The following ZBTB20 variants were observed in gnomAD, a reference collection of about 807,000 sequenced individuals.
ZBTB20 encodes zinc finger and BTB domain-containing protein 20.
Under a neutral mutation model 56.9 loss-of-function variants are expected in ZBTB20, and 9 were observed. The ratio of observed to expected loss-of-function variants is 0.16; its 90% CI spans 0.10 to 0.28. The LOEUF (loss-of-function observed/expected upper bound fraction) is 0.28, where lower values mean the gene tolerates loss of function less well. ZBTB20 is among the 10% of genes least tolerant of loss of function. ZBTB20 has a pLI of 1.00. For missense variants in ZBTB20, 655 were observed against 1,003.0 expected (o/e 0.65, Z 4.69); for synonymous variants, 417 against 420.7 (o/e 0.99, Z 0.11).
At chr3:114,440,342 G>T (rs2090828293) in intron 7 of ZBTB20, among the ~76,000 whole-genome samples, 1 of 151,988 alleles carries the variant, frequency 6.6e-6, no homozygotes, top group Admixed American at 6.6e-5. Context: ...GAAGGGTGGA[G>T]CTGGGGGAAA....
At chr3:114,794,170 G>A (rs2071180556) in intron 5 of ZBTB20, among the ~76,000 whole-genome samples, 2 of 152,004 alleles carry the variant, frequency 1.3e-5, no homozygotes, top group Admixed American at 6.6e-5. Context: ...ATTATAAAAT[G>A]GGAATGGTTC....
intron 6 of ZBTB20, among the ~76,000 whole-genome samples, chr3:114,638,401 C>T (rs1348524278): frequency 6.6e-6 from 1 of 152,134 alleles, no homozygotes; most frequent in African/African-American, 2.4e-5. Flanking sequence ...TACCTCTCAA[C>T]TTCTGGACTT....
At chr3:114,831,193 T>C (rs2073825706) in intron 4 of ZBTB20, among the ~76,000 whole-genome samples, 2 of 150,620 alleles carry the variant, frequency 1.3e-5, no homozygotes, top group East Asian at 3.9e-4. Context: ...TTCTTGAAAC[T>C]GGTTCTTCTG....
intron 5 of ZBTB20, among the ~76,000 whole-genome samples, chr3:114,707,536 T>A (rs2063784638): frequency 6.6e-6 from 1 of 152,168 alleles, no homozygotes; most frequent in African/African-American, 2.4e-5. Context: ...AAAATAGTCT[T>A]CATATACATG....
chr3:114,989,162 A>T (rs2078688526), intron 2 of ZBTB20, among the ~76,000 whole-genome samples: 2 of 152,192 alleles, frequency 1.3e-5, no homozygotes, highest in Non-Finnish European at 2.9e-5. Context: ...TGTTTTAGAC[A>T]TGAAGTCCTT....
At chr3:114,568,279 C>T (rs76017183) in intron 6 of ZBTB20, among the ~76,000 whole-genome samples, 2,808 of 152,214 alleles carry the variant, frequency 0.018, 47 homozygotes, top group Non-Finnish European at 0.026. Flanking sequence ...TCTCCCCCCA[C>T]GAAAAACCTG....
At chr3:114,822,882 G>A (rs905605239) in intron 4 of ZBTB20, among the ~76,000 whole-genome samples, 4 of 152,002 alleles carry the variant, frequency 2.6e-5, no homozygotes, top group Non-Finnish European at 5.9e-5. Context: ...CAAATTATAT[G>A]ACTAGGTACA....
intron 7 of ZBTB20, among the ~76,000 whole-genome samples, chr3:114,389,988 C>A (rs2085668718): frequency 6.6e-6 from 1 of 150,868 alleles, no homozygotes; most frequent in Non-Finnish European, 1.5e-5. Flanking sequence ...ATATATACTA[C>A]ATTCTTATTA....
chr3:114,553,063 G>A (rs2050772630), intron 6 of ZBTB20, among the ~76,000 whole-genome samples: 1 of 152,150 alleles, frequency 6.6e-6, no homozygotes. Context: ...GTTATATGAT[G>A]TTTTGCCAAG....
At chr3:115,103,232 CT>C (rs2083632335) in intron 1 of ZBTB20, among the ~76,000 whole-genome samples, 1 of 152,108 alleles carries the variant, frequency 6.6e-6, no homozygotes, top group African/African-American at 2.4e-5. Context: ...CAATTTGGTT[CT>C]GTAGAAAGAT....
chr3:114,730,563 G>A (rs996721682), intron 5 of ZBTB20, among the ~76,000 whole-genome samples: 1 of 152,176 alleles, frequency 6.6e-6, no homozygotes, highest in Non-Finnish European at 1.5e-5. Context: ...ACTAGGACTG[G>A]CGTCCTTATA....
Position 114,334,938 on chromosome 3 carries a change from T to G in ZBTB20, c.*4067A>C, listed in dbSNP as rs911889457. ...TCCCCCTGTGTAGAATTGTAACAGA[T>G]CCATGTGTTCCAATTATTTTCTTTT... On this transcript the variant is annotated 3_prime_UTR_variant, in exon 12 of 12. Transcript: ENST00000675478. 2.0e-5 allele frequency: 3 copies of G among 152,202 alleles called. No individual in the cohort carries two copies. Among genetic ancestry groups the G allele is most frequent in the African/African-American group, 7.2e-5 (3 of 41,444 alleles). The allele number at this position is 152,202 out of a possible 1,614,324, so 9.4% of individuals were successfully genotyped here.
At position 114,326,570 on chromosome 3, in the gene ZBTB20, TGG is replaced by T. The variant is rs1369965593; in HGVS notation, c.*12433_*12434del. 4 of 152,124 alleles carry T rather than the reference TGG, an allele frequency of 2.6e-5. No homozygotes were observed. Among genetic ancestry groups the T allele is most frequent in the African/African-American group, 9.7e-5 (4 of 41,422 alleles). 9.4% of individuals were successfully genotyped at this position (152,124 alleles called of 1,614,324 possible). A position where few individuals can be genotyped will look rare whatever the true frequency, so the allele number is the denominator to read the frequency against. On this transcript the variant is annotated 3_prime_UTR_variant, in exon 12 of 12. Transcript: ENST00000675478. ...GGGTGAGCAGTTATTTGACTGTCCATGGACAGTAACAAATTAAGAAATAAAAA... is the reference window on the plus strand; with the variant it reads ...GGGTGAGCAGTTATTTGACTGTCCATACAGTAACAAATTAAGAAATAAAAA...
intron 5 of ZBTB20, among the ~76,000 whole-genome samples, chr3:114,790,238 A>C (rs1560253931): frequency 6.6e-6 from 1 of 152,146 alleles, no homozygotes; most frequent in Non-Finnish European, 1.5e-5. Context: ...TAATTTGCAA[A>C]CTTCTTTAAT....
intron 7 of ZBTB20, among the ~76,000 whole-genome samples, chr3:114,435,365 GATCTT>G (rs1435570968): frequency 6.6e-6 from 1 of 152,084 alleles, no homozygotes. Context: ...TATCTCATTT[GATCTT>G]CATACCAACT....
intron 3 of ZBTB20, among the ~76,000 whole-genome samples, chr3:114,952,631 G>C (rs920755452): frequency 1.3e-5 from 2 of 150,922 alleles, no homozygotes; most frequent in African/African-American, 4.9e-5. Context: ...CATTAAAATA[G>C]AACTGCTGGA....
At chr3:114,785,339 A>G (rs1301878945) in intron 5 of ZBTB20, among the ~76,000 whole-genome samples, 2 of 152,214 alleles carry the variant, frequency 1.3e-5, no homozygotes, top group East Asian at 3.8e-4. Flanking sequence ...AACACATAAT[A>G]CAACAGGAAA....
At chr3:114,590,821 C>T (rs916123367) in intron 6 of ZBTB20, among the ~76,000 whole-genome samples, 1 of 152,132 alleles carries the variant, frequency 6.6e-6, no homozygotes, top group East Asian at 1.9e-4. Context: ...CATTTCTTCC[C>T]TTCTCGCTGA....
intron 6 of ZBTB20, among the ~76,000 whole-genome samples, chr3:114,567,462 T>C (rs1251592785): frequency 6.6e-6 from 1 of 152,170 alleles, no homozygotes; most frequent in East Asian, 1.9e-4. Context: ...CCTTCATATA[T>C]TGCAATCTTT....
Sources: gnomAD v4.1 joint callset for allele counts (sites outside exome capture counted in the v4.1 genomes callset) on GRCh38, gnomAD v4.1.1 for gene constraint, MANE v1.5 for transcripts, NCBI Gene and HGNC (gene_info 2026-07-23, HGNC 2026-07-21) for gene names.